PCDHGA6: variants seen among roughly 807,000 people sequenced by gnomAD.
PCDHGA6 encodes the protein protocadherin gamma-A6.
Under a neutral mutation model 60.6 loss-of-function variants are expected in PCDHGA6, and 41 were observed. That is an observed-to-expected ratio of 0.68 (90% CI 0.53 to 0.88). The LOEUF is 0.88. Among genes scored for constraint, PCDHGA6 ranks in the 40% least tolerant of loss-of-function variants. The pLI, the probability that PCDHGA6 is intolerant of heterozygous loss-of-function variation, is 0.00. For synonymous variants in PCDHGA6, 594 were observed against 524.4 expected (o/e 1.13, Z -1.81); for missense variants, 1,312 against 1,203.0 (o/e 1.09, Z -1.34).
chr5:141,393,532 C>T (rs1411410420), intron 1 of PCDHGA6: 5 of 1,613,886 alleles, frequency 3.1e-6, no homozygotes, highest in African/African-American at 2.7e-5. Flanking sequence ...GACAATGCCC[C>T]GGTTTTTCCT....
rs759756007 is a variant in PCDHGA6 at position 141,476,248 on chromosome 5, T to C, written c.2425-18559T>C. 2 of 1,613,856 alleles carry C rather than the reference T, an allele frequency of 1.2e-6. No individual in the cohort carries two copies. Among genetic ancestry groups the C allele is most frequent in the South Asian group, 2.2e-5 (2 of 91,050 alleles). On this transcript the variant is annotated intron_variant, in intron 1 of 3. Transcript: ENST00000517434. The surrounding 1 kb of genome is among the most constrained non-coding windows in gnomAD (Gnocchi z 7.6). The stretch of plus-strand genomic sequence containing the variant: ...AGATCCCGGAGGAAAGAGAGAAGGG[T>C]TTCGCTGTGGGCAACGTGGTCGCGA...
In PCDHGA6 at chr5:141,432,967, G is replaced by T; in HGVS notation, c.2424+56460G>T. ...CAGGAGGCGGCTTGACAGGAGCGCC[G>T]GCGTCGCACTTTGTGGGCGTGGACG... On this transcript the variant is annotated intron_variant, in intron 1 of 3. Coordinates refer to ENST00000517434, the MANE Select transcript of PCDHGA6 (RefSeq NM_018919.3). The surrounding 1 kb of genome is among the most constrained non-coding windows in gnomAD (Gnocchi z 6.0). 1 of 1,614,190 alleles carries T rather than the reference G, an allele frequency of 6.2e-7. No homozygotes were observed. The highest frequency in any genetic ancestry group is 2.2e-5 in the East Asian group (1 of 44,854).
At chr5:141,496,869 A>G (rs2099772006) in intron 2 of PCDHGA6, among the ~76,000 whole-genome samples, 1 of 150,116 alleles carries the variant, frequency 6.7e-6, no homozygotes, top group African/African-American at 2.5e-5. Context: ...GAGACTGAAA[A>G]TTTGCAACAA....
At chr5:141,398,392 A>T in intron 1 of PCDHGA6, 1 of 1,456,390 alleles carries the variant, frequency 6.9e-7, no homozygotes, top group Non-Finnish European at 9.5e-7. Context: ...TGTGAGCAGC[A>T]GGCTAGACAG....
At position 141,374,015 on chromosome 5, in the gene PCDHGA6, G is replaced by T; in HGVS notation, c.-69G>T. 1.5e-6 allele frequency: 2 copies of T among 1,375,596 alleles called. No individual in the cohort carries two copies. Among genetic ancestry groups the T allele is most frequent in the Non-Finnish European group, 1.9e-6 (2 of 1,054,104 alleles). 85.2% of individuals were successfully genotyped at this position (1,375,596 alleles called of 1,614,324 possible). Reference sequence around the variant, plus strand: ...GAAGGACCTTCACCGCTATTTCTGAGAAGAGCAAAAGTGATGCAGATCTGT... The same window carrying T: ...GAAGGACCTTCACCGCTATTTCTGATAAGAGCAAAAGTGATGCAGATCTGT... On this transcript the variant is annotated 5_prime_UTR_variant, in exon 1 of 4. Coordinates refer to ENST00000517434, the MANE Select transcript of PCDHGA6 (RefSeq NM_018919.3).
intron 1 of PCDHGA6, chr5:141,442,449 T>TA (rs1488731055): frequency 6.6e-6 from 1 of 152,210 alleles, no homozygotes; most frequent in African/African-American, 2.4e-5. Context: ...CAGGACTCAA[T>TA]AGCAGTTTCA....
intron 1 of PCDHGA6, chr5:141,383,588 T>C: frequency 6.2e-7 from 1 of 1,613,646 alleles, no homozygotes; most frequent in Non-Finnish European, 8.5e-7. Context: ...CACATCCAGG[T>C]GACAGTGGTG....
rs1195316502 is a variant in PCDHGA6 at position 141,431,006 on chromosome 5, A to G, written c.2424+54499A>G. 1.2e-6 allele frequency: 2 copies of G among 1,614,116 alleles called. No individual in the cohort carries two copies. Among genetic ancestry groups the G allele is most frequent in the South Asian group, 2.2e-5 (2 of 91,078 alleles). ...TTTCGCCCTGAATCCGCGCAGCGGC[A>G]GCTTGGTCACGGCGGGCAGGATAGA... On this transcript the variant is annotated intron_variant, in intron 1 of 3. Transcript: ENST00000517434. The surrounding 1 kb of genome is among the most constrained non-coding windows in gnomAD (Gnocchi z 4.8).
intron 1 of PCDHGA6, among the ~76,000 whole-genome samples, chr5:141,382,012 A>G (rs1777864214): frequency 6.6e-6 from 1 of 151,520 alleles, no homozygotes; most frequent in Admixed American, 6.6e-5. Flanking sequence ...TATTTTTAGT[A>G]GAGACGGGGT....
intron 1 of PCDHGA6, chr5:141,420,276 T>C: frequency 6.6e-7 from 1 of 1,523,250 alleles, no homozygotes; most frequent in Non-Finnish European, 8.9e-7. Context: ...CTTAAACAGG[T>C]AAGTATTTAA....
At chr5:141,462,474 C>T (rs2099040477) in intron 1 of PCDHGA6, among the ~76,000 whole-genome samples, 1 of 151,994 alleles carries the variant, frequency 6.6e-6, no homozygotes, top group South Asian at 2.1e-4. Flanking sequence ...TATTCTGCTT[C>T]TCGTGGTTGT....
At chr5:141,484,135 A>G (rs181630887) in intron 1 of PCDHGA6, among the ~76,000 whole-genome samples, 6 of 152,270 alleles carry the variant, frequency 3.9e-5, no homozygotes, top group Admixed American at 1.3e-4. Flanking sequence ...GTGTCAGATA[A>G]AGGGAATTTG....
At chr5:141,465,779 G>A (rs1199779963) in intron 1 of PCDHGA6, among the ~76,000 whole-genome samples, 2 of 145,170 alleles carry the variant, frequency 1.4e-5, no homozygotes, top group African/African-American at 5.0e-5. Flanking sequence ...TCTTGTTACA[G>A]TTTTTTTTTT....
chr5:141,455,495 G>C (rs2098824459), intron 1 of PCDHGA6, among the ~76,000 whole-genome samples: 1 of 152,204 alleles, frequency 6.6e-6, no homozygotes, highest in East Asian at 1.9e-4. Flanking sequence ...GGTGATGTCT[G>C]ATTTGCATAG....
chr5:141,414,620 A>G, intron 1 of PCDHGA6: 4 of 1,613,938 alleles, frequency 2.5e-6, no homozygotes, highest in Non-Finnish European at 3.4e-6. Flanking sequence ...ACAGCGCTGG[A>G]CCCGGACAGC....
chr5:141,390,179 A>G (rs1561630532), intron 1 of PCDHGA6: 1 of 1,614,044 alleles, frequency 6.2e-7, no homozygotes, highest in African/African-American at 1.3e-5. Flanking sequence ...TTAATTTCCT[A>G]AAATGTAGTG....
intron 1 of PCDHGA6, among the ~76,000 whole-genome samples, chr5:141,461,985 G>C (rs894777268): frequency 2.6e-5 from 4 of 152,170 alleles, no homozygotes; most frequent in Non-Finnish European, 5.9e-5. Flanking sequence ...CACCACGCCA[G>C]GCTAATTTTG....
chr5:141,427,425 AC>A (rs1184817093), intron 1 of PCDHGA6: 2 of 469,034 alleles, frequency 4.3e-6, no homozygotes, highest in Non-Finnish European at 8.5e-6. Flanking sequence ...TGGGGAGGTT[AC>A]ATGCCTCATA....
chr5:141,400,190 T>G (rs914854634), intron 1 of PCDHGA6: 1 of 1,613,898 alleles, frequency 6.2e-7, no homozygotes, highest in Non-Finnish European at 8.5e-7. Context: ...CAGTTTTACC[T>G]AGTGGTGGCC....
Sources: gnomAD v4.1 joint callset for allele counts (sites outside exome capture counted in the v4.1 genomes callset) on GRCh38, gnomAD v4.1.1 for gene constraint, Gnocchi (gnomAD v3.1) non-coding constraint, MANE v1.5 for transcripts, NCBI Gene and HGNC (gene_info 2026-07-23, HGNC 2026-07-21) for gene names.